Variants in PPARGC1B observed in about 807,000 individuals in gnomAD.
PPARGC1B encodes peroxisome proliferator-activated receptor gamma coactivator 1-beta.
Under a neutral mutation model 101.6 loss-of-function variants are expected in PPARGC1B, and 34 were observed. The ratio of observed to expected loss-of-function variants is 0.33; its 90% CI spans 0.25 to 0.45. The LOEUF (loss-of-function observed/expected upper bound fraction) is 0.45. Ranked by LOEUF, PPARGC1B falls within the 20% of genes least tolerant of loss-of-function variation. The probability of loss-of-function intolerance (pLI) is 1.00; values close to 1 mark genes in which losing one functional copy is unlikely to be tolerated. For synonymous variants in PPARGC1B, 548 were observed against 539.3 expected (o/e 1.02, Z -0.22); for missense variants, 1,234 against 1,317.6 (o/e 0.94, Z 0.98).
At chr5:149,805,966 C>A (rs1047038530) in intron 1 of PPARGC1B, among the ~76,000 whole-genome samples, 1 of 152,260 alleles carries the variant, frequency 6.6e-6, no homozygotes, top group East Asian at 1.9e-4. Context: ...CCAGCTCCCA[C>A]GCTGTGCAGC....
intron 1 of PPARGC1B, among the ~76,000 whole-genome samples, chr5:149,808,448 A>G (rs1208272621): frequency 6.6e-6 from 1 of 152,092 alleles, no homozygotes; most frequent in Non-Finnish European, 1.5e-5. Flanking sequence ...AACTGATAAA[A>G]TGTTGCTCTC....
Position 149,853,477 on chromosome 5 carries a change from A to AC in PPARGC1B, c.*5920dup, listed in dbSNP as rs1759842294. Reference sequence around the variant, plus strand: ...AGGTCCAGGTGCCCGGGAAGGGTTTACTGTAACTGCAATACTGGCAGCCCA... The same window carrying AC: ...AGGTCCAGGTGCCCGGGAAGGGTTTACCTGTAACTGCAATACTGGCAGCCCA... On this transcript the variant is annotated 3_prime_UTR_variant, in exon 12 of 12. Coordinates refer to ENST00000309241, the MANE Select transcript of PPARGC1B (RefSeq NM_133263.4). This position sits in a 1 kb window ranked among gnomAD's most constrained non-coding sequence, Gnocchi z 4.2. 4.6e-5 allele frequency: 7 copies of AC among 152,202 alleles called. No homozygotes were observed. The highest frequency in any genetic ancestry group is 8.8e-5 in the Non-Finnish European group (6 of 68,040). The allele number at this position is 152,202 out of a possible 1,614,324, so 9.4% of individuals were successfully genotyped here. A position where few individuals can be genotyped will look rare whatever the true frequency, so the allele number is the denominator to read the frequency against.
In PPARGC1B at chr5:149,734,518, TTTAA is replaced by T. The variant is rs141562991; in HGVS notation, c.78+4104_78+4107del. Among the ~76,000 whole-genome samples, 315 of 152,266 alleles carry T rather than the reference TTTAA, an allele frequency of 2.1e-3. 1 individual carries two copies. Among genetic ancestry groups the T allele is most frequent in the African/African-American group, 7.0e-3 (289 of 41,542 alleles). On this transcript the variant is annotated intron_variant, in intron 1 of 11. Transcript: ENST00000309241. ...TTGTTGAAGATTGAACCGAGATGTATTTAATTAATCCTTTATCGTTACTCATTTA... is the reference window on the plus strand; with the variant it reads ...TTGTTGAAGATTGAACCGAGATGTATTTAATCCTTTATCGTTACTCATTTA...
intron 2 of PPARGC1B, among the ~76,000 whole-genome samples, chr5:149,825,309 A>G (rs141161209): frequency 1.2e-3 from 184 of 152,340 alleles, no homozygotes; most frequent in African/African-American, 4.3e-3. Flanking sequence ...AGCCTCCAGG[A>G]GCCTCTGTGT....
At chr5:149,758,531 A>G (rs1755613875) in intron 1 of PPARGC1B, among the ~76,000 whole-genome samples, 1 of 152,240 alleles carries the variant, frequency 6.6e-6, no homozygotes, top group African/African-American at 2.4e-5. Context: ...ACCTCAGTGA[A>G]CAAGTACAGG....
chr5:149,730,428 C>A lies in PPARGC1B; in HGVS notation c.78+8C>A. On this transcript the variant is annotated splice_region_variant and intron_variant, in intron 1 of 11. Coordinates refer to ENST00000309241, the MANE Select transcript of PPARGC1B (RefSeq NM_133263.4). The surrounding 1 kb of genome is among the most constrained non-coding windows in gnomAD (Gnocchi z 4.0). ...TATCTCGCTGACACGCAGGTACGGC[C>A]GGCTGGGGCTGCGGGCCCGGGGCCA... 6.5e-7 allele frequency: 1 copy of A among 1,545,546 alleles called. No individual in the cohort carries two copies.
chr5:149,791,397 C>T (rs1469365889), intron 1 of PPARGC1B, among the ~76,000 whole-genome samples: 4 of 151,764 alleles, frequency 2.6e-5, no homozygotes, highest in African/African-American at 4.8e-5. Context: ...GCCAAGAGAC[C>T]GTGCAAGACT....
chr5:149,764,701 A>G (rs896497046), intron 1 of PPARGC1B, among the ~76,000 whole-genome samples: 37 of 152,264 alleles, frequency 2.4e-4, no homozygotes, highest in African/African-American at 7.5e-4. Context: ...TGCACATTTG[A>G]GAAAATATAG....
At chr5:149,803,051 G>C (rs1757483050) in intron 1 of PPARGC1B, among the ~76,000 whole-genome samples, 1 of 152,078 alleles carries the variant, frequency 6.6e-6, no homozygotes, top group South Asian at 2.1e-4. Context: ...ATTGCTGATG[G>C]GGCACCTGAC....
At position 149,815,616 on chromosome 5, in the gene PPARGC1B, T is replaced by C. The variant is rs893717104; in HGVS notation, c.79-4817T>C. 4.6e-5 allele frequency among the ~76,000 whole-genome samples: 7 copies of C among 152,178 alleles called. No homozygotes were observed. The East Asian group carries it at 1.2e-3, about 25-fold the overall frequency. On this transcript the variant is annotated intron_variant, in intron 1 of 11. Transcript: ENST00000309241. The stretch of plus-strand genomic sequence containing the variant: ...TCTTGCTCTGTCGCCCAGGCTGGAG[T>C]GCAGTGGCGTGATCTCTGCTCACTG...
intron 1 of PPARGC1B, among the ~76,000 whole-genome samples, chr5:149,806,608 CTT>C (rs10534197): frequency 1.4e-5 from 2 of 147,184 alleles, no homozygotes; most frequent in African/African-American, 2.5e-5. Context: ...GTCTCTGGGA[CTT>C]TTTTTTTTTT....
rs569906972 is a variant in PPARGC1B, at chr5:149,845,808, C to A, written c.2865C>A (p.Ala955=). ...FITYRCSEHA[A]LSLTKGAALR... ...CCTACCGGTGTTCTGAGCACGCGGC[C>A]CTCTCTTTGACAAAGGGCGCTGCCC... Residue 955 remains alanine (A), a synonymous_variant, in exon 11 of 12, where the codon GCC becomes GCA. Coordinates refer to ENST00000309241, the MANE Select transcript of PPARGC1B (RefSeq NM_133263.4). 2.5e-6 allele frequency: 4 copies of A among 1,614,054 alleles called. No homozygotes were observed. In the African/African-American group the frequency reaches 5.3e-5, roughly 22 times the overall value.
intron 1 of PPARGC1B, among the ~76,000 whole-genome samples, chr5:149,752,108 C>G (rs1755330009): frequency 6.6e-6 from 1 of 152,192 alleles, no homozygotes; most frequent in African/African-American, 2.4e-5. Context: ...TCAGATAATA[C>G]CAGGTTTAGA....
At chr5:149,857,065 G>A (rs1477056549), downstream of PPARGC1B, among the ~76,000 whole-genome samples, 4 of 151,898 alleles carry the variant, frequency 2.6e-5, no homozygotes, top group East Asian at 5.8e-4. Flanking sequence ...GAGCCACCAC[G>A]CCTGGCCTAA....
At chr5:149,825,352 GC>G (rs1356396736) in intron 2 of PPARGC1B, among the ~76,000 whole-genome samples, 1 of 152,246 alleles carries the variant, frequency 6.6e-6, no homozygotes, top group African/African-American at 2.4e-5. Context: ...AGAATCGTGC[GC>G]CCCTGGGCGA....
intron 1 of PPARGC1B, among the ~76,000 whole-genome samples, chr5:149,783,927 C>T (rs1162210413): frequency 6.6e-6 from 1 of 152,130 alleles, no homozygotes; most frequent in Non-Finnish European, 1.5e-5. Flanking sequence ...TTATACCCTT[C>T]ACCCGTCTCT....
At chr5:149,732,074 GTGTGCA>G (rs1212116023) in intron 1 of PPARGC1B, among the ~76,000 whole-genome samples, 2 of 125,800 alleles carry the variant, frequency 1.6e-5, no homozygotes, top group African/African-American at 2.9e-5. Flanking sequence ...GTGTGTGTGT[GTGTGCA>G]CACGCCGCGC....
chr5:149,846,159 G>T, intron 11 of PPARGC1B: 3 of 596,100 alleles, frequency 5.0e-6, no homozygotes, highest in Non-Finnish European at 9.0e-6. Context: ...GCCTCCCACG[G>T]CCTCTAGGAA....
At chr5:149,759,638 T>C (rs145313165) in intron 1 of PPARGC1B, among the ~76,000 whole-genome samples, 377 of 152,304 alleles carry the variant, frequency 2.5e-3, no homozygotes, top group Admixed American at 5.5e-3. Context: ...GGTTGGTTCA[T>C]TGCAAAGATG....
Sources: allele counts gnomAD v4.1 joint callset (sites outside exome capture counted in the v4.1 genomes callset), GRCh38; gene constraint gnomAD v4.1.1; non-coding constraint Gnocchi (gnomAD v3.1); transcripts MANE v1.5; gene names NCBI Gene and HGNC (gene_info 2026-07-23, HGNC 2026-07-21).